Variants in EXD3 observed in about 807,000 individuals in gnomAD.
The protein encoded by EXD3 is exonuclease mut-7 homolog.
A neutral mutation model predicts 98.0 loss-of-function variants in EXD3; 92 were observed. That is an observed-to-expected ratio of 0.94 (90% CI 0.79 to 1.12). EXD3 has a LOEUF of 1.12. EXD3 is among the 50% of genes most tolerant of loss of function. EXD3 has a pLI of 0.00. For synonymous variants in EXD3, 569 were observed against 526.0 expected, an observed-to-expected ratio of 1.08 and a Z score of -1.12; for missense variants, 1,222 against 1,191.6, an observed-to-expected ratio of 1.03 and a Z score of -0.38.
At position 137,366,648 on chromosome 9, in the gene EXD3, C is replaced by T. The variant is rs370310583; in HGVS notation, c.517-16G>A. ...GGATGCTCATCTGCAGGGGGACACA[C>T]GGTCAGGCCACAGCCTCCGCCACCT... On this transcript the variant is annotated splice_polypyrimidine_tract_variant and intron_variant, in intron 6 of 21. Transcript: ENST00000340951. 2.6e-5 allele frequency: 40 copies of T among 1,553,070 alleles called. No homozygotes were observed. Among genetic ancestry groups the T allele is most frequent in the Middle Eastern group, 3.9e-4 (2 of 5,160 alleles).
intron 1 of EXD3, among the ~76,000 whole-genome samples, chr9:137,411,391 T>A (rs1382592586): frequency 6.6e-6 from 1 of 151,900 alleles, no homozygotes; most frequent in African/African-American, 2.4e-5. Context: ...GCTCCTCGGT[T>A]TCCTGGGAGG....
chr9:137,397,820 T>G (rs1837287848), intron 1 of EXD3, among the ~76,000 whole-genome samples: 1 of 152,118 alleles, frequency 6.6e-6, no homozygotes, highest in South Asian at 2.1e-4. Flanking sequence ...GCTCACGCCT[T>G]TGGTTCCAGC....
chr9:137,331,087 A>AG (rs904660271), intron 17 of EXD3, among the ~76,000 whole-genome samples: 7 of 152,128 alleles, frequency 4.6e-5, no homozygotes, highest in Non-Finnish European at 8.8e-5. Context: ...CCAGGGATTC[A>AG]GGGGGGTTCA....
intron 5 of EXD3, 43 bp from the exon 6 acceptor site, chr9:137,368,032 G>A: frequency 1.9e-6 from 3 of 1,563,016 alleles, no homozygotes; most frequent in Middle Eastern, 1.7e-4. Context: ...GCCTGGGAGG[G>A]GCCAGGCAGC....
intron 1 of EXD3, among the ~76,000 whole-genome samples, chr9:137,413,097 TA>T (rs1325263047): frequency 6.6e-6 from 1 of 152,208 alleles, no homozygotes; most frequent in Non-Finnish European, 1.5e-5. Flanking sequence ...AACTGCTCTA[TA>T]ACTTTGAGAT....
Position 137,354,772 on chromosome 9 carries a change from C to A in EXD3, c.759G>T (p.Ala253=). 1.2e-6 allele frequency: 2 copies of A among 1,608,962 alleles called. No individual in the cohort carries two copies. The highest frequency in any genetic ancestry group is 1.7e-6 in the Non-Finnish European group (2 of 1,179,254). Residue 253 remains alanine (A), a splice_region_variant and synonymous_variant, in exon 9 of 22, where the codon GCG becomes GCT. Transcript: ENST00000340951. ...GCTGAATGGCCGCGTTGGGACACAG[C>A]GCTGAAAGGAAAGGCCAGCTCAGCA... is the stretch of plus-strand genomic sequence containing the variant. ...RLQERYGVAP[A]LCPNAAIQQR...
intron 3 of EXD3, among the ~76,000 whole-genome samples, chr9:137,374,009 G>C (rs1237189482): frequency 6.6e-6 from 1 of 152,368 alleles, no homozygotes; most frequent in East Asian, 1.9e-4. Flanking sequence ...TGCCTTTTAT[G>C]TACTTTTCTA....
At chr9:137,354,557 C>A in intron 9 of EXD3, 143 bp downstream of exon 9, 2 of 1,536,810 alleles carry the variant, frequency 1.3e-6, no homozygotes, top group Non-Finnish European at 1.7e-6. Flanking sequence ...CCAGGCCTGG[C>A]CCAGCTCACC....
chr9:137,327,884 A>AG, intron 17 of EXD3, among the ~76,000 whole-genome samples: 1 of 146,996 alleles, frequency 6.8e-6, no homozygotes, highest in African/African-American at 2.5e-5. Flanking sequence ...AAAACAATGA[A>AG]TAAACACCCA....
intron 1 of EXD3, among the ~76,000 whole-genome samples, chr9:137,409,306 G>A (rs762725445): frequency 6.6e-6 from 1 of 152,192 alleles, no homozygotes; most frequent in African/African-American, 2.4e-5. Context: ...TCAGAATCCC[G>A]CCAGCATGAA....
At chr9:137,392,395 G>A (rs886754723) in intron 2 of EXD3, 3 of 161,550 alleles carry the variant, frequency 1.9e-5, no homozygotes, top group Admixed American at 1.2e-4. Flanking sequence ...GCTGTCGGGG[G>A]CAGGGTCCCA....
At chr9:137,308,123 G>A (rs1289195907) in intron 20 of EXD3, among the ~76,000 whole-genome samples, 1 of 152,006 alleles carries the variant, frequency 6.6e-6, no homozygotes, top group African/African-American at 2.4e-5. Flanking sequence ...GTGAGGCCCC[G>A]AGCCCCCATT....
chr9:137,339,090 A>G (rs147246924), intron 17 of EXD3, among the ~76,000 whole-genome samples: 1 of 152,246 alleles, frequency 6.6e-6, no homozygotes, highest in East Asian at 1.9e-4. Flanking sequence ...CATTCCAGAA[A>G]AATTATAAAT....
chr9:137,416,435 G>A (rs979314571), intron 1 of EXD3, among the ~76,000 whole-genome samples: 8 of 152,216 alleles, frequency 5.3e-5, no homozygotes, highest in African/African-American at 1.9e-4. Context: ...GCACAGCCAG[G>A]GAGGGACCGC....
intron 1 of EXD3, among the ~76,000 whole-genome samples, chr9:137,422,147 T>C (rs929847174): frequency 6.7e-6 from 1 of 149,308 alleles, no homozygotes; most frequent in Non-Finnish European, 1.5e-5. Flanking sequence ...CCCTGAAATG[T>C]CTCCTCCTTC....
At chr9:137,388,837 G>A (rs1836747168) in intron 2 of EXD3, among the ~76,000 whole-genome samples, 1 of 152,194 alleles carries the variant, frequency 6.6e-6, no homozygotes, top group Non-Finnish European at 1.5e-5. Flanking sequence ...GAAGAGCCCG[G>A]CCGCCCAGAC....
chr9:137,369,226 C>T lies in EXD3; in HGVS notation c.463-1237G>A, dbSNP rs139159368. Among the ~76,000 whole-genome samples the T allele has an allele frequency of 6.5e-3, 989 of 151,748 alleles. 15 individuals are homozygous for T. Among genetic ancestry groups the T allele is most frequent in the African/African-American group, 0.022 (927 of 41,348 alleles). ...CACCACATGGGGAGGGGCGCAGGGC[C>T]TGGGAGGTGGGCTTACGGCTGTGAG... is the stretch of plus-strand genomic sequence containing the variant. On this transcript the variant is annotated intron_variant, in intron 5 of 21. Transcript: ENST00000340951.
chr9:137,395,235 C>T lies in EXD3; in HGVS notation c.55+68G>A. The T allele has an allele frequency of 1.4e-6, 2 of 1,393,972 alleles. No homozygotes were observed. Among genetic ancestry groups the T allele is most frequent in the Admixed American group, 1.7e-5 (1 of 59,546 alleles). 86.4% of individuals were successfully genotyped at this position (1,393,972 alleles called of 1,614,324 possible). On this transcript the variant is annotated intron_variant, in intron 2 of 21. Transcript: ENST00000340951. This position sits in a 1 kb window ranked among gnomAD's most constrained non-coding sequence, Gnocchi z 6.5. ...GAGTACACAGTGGGCGCCACCACCC[C>T]CCATGCACACCCACGCACCTCCCCC...
At chr9:137,316,150 C>T (rs1305919029) in intron 19 of EXD3, among the ~76,000 whole-genome samples, 1 of 151,538 alleles carries the variant, frequency 6.6e-6, no homozygotes, top group Non-Finnish European at 1.5e-5. Context: ...GGGCGGCGGC[C>T]GTGAGAACCC....
Sources: allele counts gnomAD v4.1 joint callset (sites outside exome capture counted in the v4.1 genomes callset), GRCh38; gene constraint gnomAD v4.1.1; non-coding constraint Gnocchi (gnomAD v3.1); transcripts MANE v1.5; gene names NCBI Gene and HGNC (gene_info 2026-07-23, HGNC 2026-07-21).